Variants in PRG2 observed in about 807,000 individuals in gnomAD.
PRG2 encodes the protein bone marrow proteoglycan.
PRG2 carries 23 observed loss-of-function variants against 24.7 expected under a neutral mutation model. That is an observed-to-expected ratio of 0.93 (90% CI 0.67 to 1.32). PRG2 has a LOEUF of 1.32. Among genes scored for constraint, PRG2 ranks in the 40% most tolerant of loss-of-function variants. PRG2 has a pLI of 0.00. For synonymous variants in PRG2, 104 were observed against 99.8 expected (o/e 1.04, Z -0.25); for missense variants, 271 against 280.9 (o/e 0.96, Z 0.25).
chr11:57,387,067 G>A lies in PRG2; in HGVS notation c.*408C>T, dbSNP rs114174940. ...GGGGTTGGAGAGAGAGAGAGAAAAG[G>A]CCTTTGGTTACAGAGATGCAAACTG... On this transcript the variant is annotated 3_prime_UTR_variant, in exon 6 of 6. Transcript: ENST00000311862. The A allele has an allele frequency of 0.014, 2,182 of 157,882 alleles. 55 individuals carry two copies. The highest frequency in any genetic ancestry group is 0.049 in the African/African-American group (2,024 of 41,650). 9.8% of individuals were successfully genotyped at this position (157,882 alleles called of 1,614,324 possible).
rs1857059628 is a variant in PRG2 at position 57,387,172 on chromosome 11, G to A, written c.*303C>T. ...GCCCAGTAATCAGGTGTTCTATGAA[G>A]AGAACTAGCTGAGCCCATTCCTCCA... On this transcript the variant is annotated 3_prime_UTR_variant, in exon 6 of 6. Transcript: ENST00000311862. The A allele has an allele frequency of 3.4e-6, 1 of 292,918 alleles. No individual in the cohort carries two copies. Among genetic ancestry groups the A allele is most frequent in the Non-Finnish European group, 6.3e-6 (1 of 158,466 alleles). 18.1% of individuals were successfully genotyped at this position (292,918 alleles called of 1,614,324 possible). A position where few individuals can be genotyped will look rare whatever the true frequency, so the allele number is the denominator to read the frequency against.
In PRG2 at chr11:57,388,999, A is replaced by G; in HGVS notation, c.366+11T>C. The G allele has an allele frequency of 6.2e-7, 1 of 1,611,382 alleles. No homozygotes were observed. Among genetic ancestry groups the G allele is most frequent in the South Asian group, 1.1e-5 (1 of 90,814 alleles). ...ATGCTCCCACCTCAGCCTCAGCCAT[A>G]GGCCACTCACCCAAGCTTGACTAAA... On this transcript the variant is annotated intron_variant, in intron 3 of 5. Coordinates refer to ENST00000311862, the MANE Select transcript of PRG2 (RefSeq NM_002728.6).
At chr11:57,390,017 A>C in intron 1 of PRG2, 61 bp from the exon 2 acceptor site, 1 of 1,379,904 alleles carries the variant, frequency 7.2e-7, no homozygotes, top group Non-Finnish European at 1.0e-6. Flanking sequence ...ACACATCACA[A>C]TCACACCATT....
At chr11:57,388,309 G>C (rs1441904633) in intron 4 of PRG2, among the ~76,000 whole-genome samples, 2 of 152,036 alleles carry the variant, frequency 1.3e-5, no homozygotes. Flanking sequence ...CAAGTAGCTA[G>C]GATTACAGAC....
chr11:57,389,589 C>T (rs762054992), intron 2 of PRG2, among the ~76,000 whole-genome samples: 1 of 152,164 alleles, frequency 6.6e-6, no homozygotes, highest in Non-Finnish European at 1.5e-5. Flanking sequence ...TACAATACCA[C>T]CTACTTCATG....
rs1857062307 is a variant in PRG2 at position 57,387,312 on chromosome 11, T to A, written c.*163A>T. On this transcript the variant is annotated 3_prime_UTR_variant, in exon 6 of 6. Coordinates refer to ENST00000311862, the MANE Select transcript of PRG2 (RefSeq NM_002728.6). ...TGGGGAGAGATGATAAGGAAGAAGT[T>A]TCAATGAGGGCTAAGCAGAGTGGAT... is the stretch of plus-strand genomic sequence containing the variant. 1.7e-6 allele frequency: 1 copy of A among 597,798 alleles called. No homozygotes were observed. Among genetic ancestry groups the A allele is most frequent in the Admixed American group, 3.3e-5 (1 of 30,054 alleles). The allele number at this position is 597,798 out of a possible 1,614,324, so 37.0% of individuals were successfully genotyped here. A position where few individuals can be genotyped will look rare whatever the true frequency, so the allele number is the denominator to read the frequency against.
chr11:57,388,919 A>C (rs1007512439), intron 3 of PRG2, 91 bp downstream of exon 3: 1 of 1,512,316 alleles, frequency 6.6e-7, no homozygotes, highest in Non-Finnish European at 8.9e-7. Context: ...CAGGGCCCTC[A>C]ATGGGAAAAA....
chr11:57,387,883 G>A lies in PRG2; in HGVS notation c.499-18C>T. 1 of 1,534,494 alleles carries A rather than the reference G, an allele frequency of 6.5e-7. No individual in the cohort carries two copies. The highest frequency in any genetic ancestry group is 8.8e-7 in the Non-Finnish European group (1 of 1,134,896). ...CAGCGACCCTGGAGAAAGCAAGAGG[G>A]GAAGAAGGGATGGGGCAGAGGGAAG... On this transcript the variant is annotated intron_variant, in intron 4 of 5. Transcript: ENST00000311862.
chr11:57,387,811 A>C lies in PRG2; in HGVS notation c.553T>G (p.Trp185Gly). 1.3e-6 allele frequency: 2 copies of C among 1,590,852 alleles called. No homozygotes were observed. Among genetic ancestry groups the C allele is most frequent in the Non-Finnish European group, 1.7e-6 (2 of 1,169,352 alleles). The change falls in exon 5 of 6, where the codon TGG (tryptophan) becomes GGG (glycine). Residue 185 changes from tryptophan to glycine, a missense_variant. Transcript: ENST00000311862. ...CGGGACCAGGGCTGGTGAGCAGCCC[A>C]GTATGCAAAGTTCCAGCGGCTGCCG... ...VDGSRWNFAY[W>G]AAHQPWSRGG...
chr11:57,390,022 A>G, intron 1 of PRG2, 66 bp from the exon 2 acceptor site: 1 of 1,323,974 alleles, frequency 7.6e-7, no homozygotes, highest in Non-Finnish European at 1.1e-6. Flanking sequence ...TCACAATCAC[A>G]CCATTAGGGG....
intron 5 of PRG2, 43 bp from the exon 6 acceptor site, chr11:57,387,576 T>C (rs373830433): frequency 3.2e-6 from 5 of 1,584,994 alleles, no homozygotes; most frequent in Non-Finnish European, 3.5e-6. Context: ...CTCTTGTCCA[T>C]CCCAACTCAA....
At chr11:57,388,466 T>TC in intron 4 of PRG2, 111 bp downstream of exon 4, 1 of 1,503,154 alleles carries the variant, frequency 6.7e-7, no homozygotes, top group Non-Finnish European at 9.0e-7. Flanking sequence ...TGTCCATCTA[T>TC]CCCTGGTTCT....
rs150389229 is a variant in PRG2 at position 57,389,318 on chromosome 11, C to T, written c.59-1G>A. ...GTCTCAAAGGTGGAAGTCTCAGACC[C>T]TGGCAGGGAGGATAGCTAAGTGTCC... On this transcript the variant is annotated splice_acceptor_variant, in intron 2 of 5. Coordinates refer to ENST00000311862, the MANE Select transcript of PRG2 (RefSeq NM_002728.6). LOFTEE classifies it high-confidence loss of function. 1.9e-4 allele frequency: 304 copies of T among 1,609,796 alleles called. 2 individuals are homozygous for T. In the African/African-American group the frequency reaches 3.7e-3, roughly 20 times the overall value.
rs529686468 is a variant in PRG2, at chr11:57,387,411, C to G, written c.*64G>C. 1.6e-5 allele frequency: 23 copies of G among 1,413,070 alleles called. No individual in the cohort carries two copies. In the African/African-American group the frequency reaches 2.7e-4, roughly 17 times the overall value. 87.5% of individuals were successfully genotyped at this position (1,413,070 alleles called of 1,614,324 possible). On this transcript the variant is annotated 3_prime_UTR_variant, in exon 6 of 6. Transcript: ENST00000311862. The stretch of plus-strand genomic sequence containing the variant: ...TGCAGGGAGGTGGAGGGAGGGATGG[C>G]AAGCAGAGGAGGGGAGGCAGCTGCC...
intron 5 of PRG2, 86 bp from the exon 6 acceptor site, chr11:57,387,619 C>A: frequency 7.0e-7 from 1 of 1,433,204 alleles, no homozygotes. Flanking sequence ...CACCCACACA[C>A]TGCTGTGGAG....
chr11:57,388,767 G>A, intron 3 of PRG2, 59 bp from the exon 4 acceptor site: 2 of 1,590,058 alleles, frequency 1.3e-6, no homozygotes, highest in South Asian at 1.1e-5. Flanking sequence ...ATTCACATGG[G>A]TCTTGAGTCC....
At chr11:57,388,930 G>C (rs1857102160) in intron 3 of PRG2, 80 bp downstream of exon 3, 2 of 1,528,646 alleles carry the variant, frequency 1.3e-6, no homozygotes, top group Non-Finnish European at 1.8e-6. Context: ...ATGGGAAAAA[G>C]AGCCAGTGAT....
At chr11:57,387,730 C>T (rs1416693553) in intron 5 of PRG2, 24 bp downstream of exon 5, 1 of 1,524,522 alleles carries the variant, frequency 6.6e-7, no homozygotes, top group African/African-American at 1.4e-5. Flanking sequence ...ACCTTTCCAT[C>T]GTTCATCCCC....
chr11:57,387,403 A>G lies in PRG2; in HGVS notation c.*72T>C. ...CATTTTATTGCAGGGAGGTGGAGGG[A>G]GGGATGGCAAGCAGAGGAGGGGAGG... On this transcript the variant is annotated 3_prime_UTR_variant, in exon 6 of 6. Coordinates refer to ENST00000311862, the MANE Select transcript of PRG2 (RefSeq NM_002728.6). The G allele has an allele frequency of 7.6e-7, 1 of 1,313,244 alleles. No homozygotes were observed. Among genetic ancestry groups the G allele is most frequent in the South Asian group, 1.3e-5 (1 of 78,546 alleles). 81.3% of individuals were successfully genotyped at this position (1,313,244 alleles called of 1,614,324 possible).
Sources: gnomAD v4.1 joint callset for allele counts (sites outside exome capture counted in the v4.1 genomes callset) on GRCh38, gnomAD v4.1.1 for gene constraint, MANE v1.5 for transcripts, NCBI Gene and HGNC (gene_info 2026-07-23, HGNC 2026-07-21) for gene names.